The following ECT2 variants were observed in gnomAD, a reference collection of about 807,000 sequenced individuals.
The protein encoded by ECT2 is epithelial cell transforming 2.
Under a neutral mutation model 116.9 loss-of-function variants are expected in ECT2, and 61 were observed. The ratio of observed to expected loss-of-function variants is 0.52; its 90% CI spans 0.42 to 0.65. The LOEUF is 0.65. ECT2 is among the 30% of genes least tolerant of loss of function. The pLI is 0.00. For synonymous variants in ECT2, 358 were observed against 346.4 expected (o/e 1.03, Z -0.37); for missense variants, 937 against 1,078.7 (o/e 0.87, Z 1.84).
intron 17 of ECT2, among the ~76,000 whole-genome samples, chr3:172,786,264 GT>G (rs1723593930): frequency 1.3e-5 from 2 of 152,300 alleles, no homozygotes; most frequent in South Asian, 4.1e-4. Context: ...TGGAATAGCA[GT>G]GTAAGAAAAT....
intron 18 of ECT2, 110 bp downstream of exon 18, chr3:172,786,684 C>A: frequency 1.4e-6 from 1 of 690,316 alleles, no homozygotes. Context: ...TGTAAAATGT[C>A]TAGATTATTT....
At chr3:172,752,016 G>A (rs552378162) in intron 1 of ECT2, 1 of 152,066 alleles carries the variant, frequency 6.6e-6, no homozygotes, top group South Asian at 2.1e-4. Flanking sequence ...TTAATCATCT[G>A]CTTTCGATCA....
At chr3:172,826,464 A>T (rs1730849055), downstream of ECT2, among the ~76,000 whole-genome samples, 1 of 152,212 alleles carries the variant, frequency 6.6e-6, no homozygotes, top group Admixed American at 6.5e-5. Flanking sequence ...TGCTTTCTTG[A>T]GATGGAATCT....
intron 18 of ECT2, 55 bp from the exon 19 acceptor site, chr3:172,802,561 T>A (rs1316668330): frequency 1.8e-6 from 2 of 1,081,628 alleles, no homozygotes; most frequent in Non-Finnish European, 2.7e-6. Flanking sequence ...ATGAGTTGTG[T>A]TTGTTGTAGT....
intron 20 of ECT2, among the ~76,000 whole-genome samples, chr3:172,804,586 CTTTA>C (rs769074412): frequency 9.2e-5 from 14 of 152,204 alleles, no homozygotes; most frequent in East Asian, 3.9e-4. Context: ...TTTCTCTGTA[CTTTA>C]TTTGTTTGTT....
intron 5 of ECT2, among the ~76,000 whole-genome samples, chr3:172,757,967 A>G (rs936115013): frequency 1.3e-5 from 2 of 150,922 alleles, no homozygotes; most frequent in African/African-American, 4.9e-5. Flanking sequence ...AAGCGATTCT[A>G]CTGCCTCAGC....
Position 172,784,608 on chromosome 3 carries a change from G to T in ECT2, c.1729-99G>T. On this transcript the variant is annotated intron_variant, in intron 16 of 24. Transcript: ENST00000392692. ...AATTCCACTTCTTCTCTATTAGTTT[G>T]TATCACAGACACTAATGATAAGGTG... is the stretch of plus-strand genomic sequence containing the variant. 9 of 833,338 alleles carry T rather than the reference G, an allele frequency of 1.1e-5. No individual in the cohort carries two copies. The South Asian group carries it at 1.4e-4, about 13-fold the overall frequency. 51.6% of individuals were successfully genotyped at this position (833,338 alleles called of 1,614,324 possible).
chr3:172,797,271 G>C (rs1725872178), intron 18 of ECT2, among the ~76,000 whole-genome samples: 1 of 151,676 alleles, frequency 6.6e-6, no homozygotes, highest in South Asian at 2.1e-4. Context: ...CAGGGTTCAA[G>C]CAATCCACCG....
At chr3:172,800,636 TG>T (rs1726542002) in intron 18 of ECT2, among the ~76,000 whole-genome samples, 1 of 152,202 alleles carries the variant, frequency 6.6e-6, no homozygotes, top group Non-Finnish European at 1.5e-5. Flanking sequence ...GCTTTTCTTT[TG>T]TAGTGTTTAC....
At chr3:172,824,258 C>T (rs1362770460), downstream of ECT2, among the ~76,000 whole-genome samples, 1 of 152,140 alleles carries the variant, frequency 6.6e-6, no homozygotes, top group African/African-American at 2.4e-5. Context: ...TTAATTGGCT[C>T]CCAGTTCTGC....
Position 172,816,855 on chromosome 3 carries a change from A to G in ECT2, c.2655+18A>G, listed in dbSNP as rs769974984. 6.6e-7 allele frequency: 1 copy of G among 1,521,548 alleles called. No homozygotes were observed. The highest frequency in any genetic ancestry group is 2.3e-5 in the East Asian group (1 of 43,182). The allele number at this position is 1,521,548 out of a possible 1,614,324, so 94.3% of individuals were successfully genotyped here. ...CATTAGCAGTAAGTTATTTTGATTT[A>G]ATGGGGTAAATGACTTATTTATGAA... On this transcript the variant is annotated intron_variant, in intron 24 of 24. Coordinates refer to ENST00000392692, the MANE Select transcript of ECT2 (RefSeq NM_001258315.2).
chr3:172,774,023 G>A lies in ECT2; in HGVS notation c.1548+1G>A, dbSNP rs1721182788. On this transcript the variant is annotated splice_donor_variant, in intron 14 of 24. Coordinates refer to ENST00000392692, the MANE Select transcript of ECT2 (RefSeq NM_001258315.2). LOFTEE classifies it high-confidence loss of function. Reference sequence around the variant, plus strand: ...CTTTGATGTACACACTAAGATAAAGGTAAATTTGTATATGTTAGATTGGTA... The same window carrying A: ...CTTTGATGTACACACTAAGATAAAGATAAATTTGTATATGTTAGATTGGTA... 6.2e-7 allele frequency: 1 copy of A among 1,609,368 alleles called. No homozygotes were observed. The highest frequency in any genetic ancestry group is 1.7e-5 in the Admixed American group (1 of 59,876).
At chr3:172,807,463 C>G (rs532417808) in intron 21 of ECT2, among the ~76,000 whole-genome samples, 1 of 152,040 alleles carries the variant, frequency 6.6e-6, no homozygotes, top group African/African-American at 2.4e-5. Context: ...GCATCTTGAT[C>G]GTGCAACTTT....
chr3:172,817,697 C>G (rs1287294258), intron 24 of ECT2, among the ~76,000 whole-genome samples: 3 of 152,014 alleles, frequency 2.0e-5, no homozygotes, highest in Non-Finnish European at 4.4e-5. Flanking sequence ...ACTACTATTA[C>G]TAAGTATTTG....
At chr3:172,774,825 T>G (rs916367938) in intron 14 of ECT2, among the ~76,000 whole-genome samples, 2 of 152,184 alleles carry the variant, frequency 1.3e-5, no homozygotes, top group Admixed American at 1.3e-4. Context: ...TTTTTTATTT[T>G]CAGTTAATCC....
chr3:172,803,097 C>T, intron 20 of ECT2, 117 bp downstream of exon 20: 1 of 967,706 alleles, frequency 1.0e-6, no homozygotes, highest in Non-Finnish European at 1.4e-6. Context: ...CTCAAGTAAT[C>T]TTTTTTTAAA....
rs557369948 is a variant in ECT2, at chr3:172,762,113, A to G, written c.759-303A>G. Reference sequence around the variant, plus strand: ...TTAAGATTTCATGAAAGTTATCATTATTTTAGATTTCATGAAAGCCTTGGA... The same window carrying G: ...TTAAGATTTCATGAAAGTTATCATTGTTTTAGATTTCATGAAAGCCTTGGA... On this transcript the variant is annotated intron_variant, in intron 8 of 24. Coordinates refer to ENST00000392692, the MANE Select transcript of ECT2 (RefSeq NM_001258315.2). Among the ~76,000 whole-genome samples the G allele has an allele frequency of 4.0e-3, 607 of 151,994 alleles. 4 individuals carry two copies. The highest frequency in any genetic ancestry group is 0.014 in the African/African-American group (583 of 41,366).
At position 172,764,276 on chromosome 3, in the gene ECT2, A is replaced by G. The variant is rs751817512; in HGVS notation, c.1069-2A>G. The G allele has an allele frequency of 6.2e-7, 1 of 1,613,302 alleles. No individual in the cohort carries two copies. Among genetic ancestry groups the G allele is most frequent in the Non-Finnish European group, 8.5e-7 (1 of 1,179,304 alleles). On this transcript the variant is annotated splice_acceptor_variant, in intron 11 of 24. Transcript: ENST00000392692. LOFTEE classifies it high-confidence loss of function. ...ATTGAGCTTGTGTGCTTTTGATTAC[A>G]GGCAAATACTCCTGAGCTCAAGAAA...
At chr3:172,792,394 C>T (rs1169518044) in intron 18 of ECT2, among the ~76,000 whole-genome samples, 2 of 149,476 alleles carry the variant, frequency 1.3e-5, no homozygotes, top group Admixed American at 1.3e-4. Flanking sequence ...CACAATAAAG[C>T]GAGGGATGCC....
Sources: allele counts gnomAD v4.1 joint callset (sites outside exome capture counted in the v4.1 genomes callset), GRCh38; gene constraint gnomAD v4.1.1; transcripts MANE v1.5; gene names NCBI Gene and HGNC (gene_info 2026-07-23, HGNC 2026-07-21).